RNASET2: variants seen among roughly 807,000 people sequenced by gnomAD.
RNASET2 encodes the protein ribonuclease 6.
RNASET2 carries 28 observed loss-of-function variants against 33.9 expected under a neutral mutation model. That is an observed-to-expected ratio of 0.83 (90% CI 0.61 to 1.13). RNASET2 has a LOEUF of 1.13. RNASET2 is among the 50% of genes most tolerant of loss of function. The pLI is 0.00. For synonymous variants in RNASET2, 123 were observed against 121.0 expected (o/e 1.02, Z -0.11); for missense variants, 330 against 319.9 (o/e 1.03, Z -0.24).
At chr6:166,939,658 T>C (rs1778650786) in intron 5 of RNASET2, among the ~76,000 whole-genome samples, 1 of 152,070 alleles carries the variant, frequency 6.6e-6, no homozygotes, top group Non-Finnish European at 1.5e-5. Flanking sequence ...TTTCGCAGAG[T>C]GGCACAAACT....
At chr6:166,948,292 G>T in intron 3 of RNASET2, 1 of 472,530 alleles carries the variant, frequency 2.1e-6, no homozygotes. Flanking sequence ...GTTGCAGTGA[G>T]CCAAGATCGT....
At chr6:166,930,949 C>T in intron 8 of RNASET2, 95 bp downstream of exon 8, 1 of 875,064 alleles carries the variant, frequency 1.1e-6, no homozygotes, top group Non-Finnish European at 2.0e-6. Flanking sequence ...AAATACAAGT[C>T]TGCCCCAGGG....
Position 166,956,314 on chromosome 6 carries a change from A to G in RNASET2, c.-132T>C. The G allele has an allele frequency of 1.1e-6, 1 of 885,734 alleles. No homozygotes were observed. Among genetic ancestry groups the G allele is most frequent in the South Asian group, 1.5e-5 (1 of 67,828 alleles). 54.9% of individuals were successfully genotyped at this position (885,734 alleles called of 1,614,324 possible). A position where few individuals can be genotyped will look rare whatever the true frequency, so the allele number is the denominator to read the frequency against. On this transcript the variant is annotated 5_prime_UTR_variant, in exon 1 of 9. Coordinates refer to ENST00000508775, the MANE Select transcript of RNASET2 (RefSeq NM_003730.6). ...GCCGCCGCGCTCCCTCCGCTGCAGC[A>G]GCGGCCACCGGGTGCGCCCGGAGCC...
At position 166,952,514 on chromosome 6, in the gene RNASET2, G is replaced by A; in HGVS notation, c.121C>T (p.Gln41Ter). 6.2e-7 allele frequency: 1 copy of A among 1,613,942 alleles called. No homozygotes were observed. Among genetic ancestry groups the A allele is most frequent in the Non-Finnish European group, 8.5e-7 (1 of 1,179,776 alleles). ...TCGCATACTGTCTCAGGCCAGTGCT[G>A]AACCATAATTAGTTTTTTCCACTCA... The part of the protein sequence containing the change: ...NHEWKKLIMV[Q>*]HWPETVCEKI... Residue 41 changes from glutamine (Q) to a stop codon, truncating the protein, a stop_gained, in exon 2 of 9, where the codon CAG becomes TAG. Coordinates refer to ENST00000508775, the MANE Select transcript of RNASET2 (RefSeq NM_003730.6). LOFTEE classifies it high-confidence loss of function.
chr6:166,939,681 C>A (rs1272014667), intron 5 of RNASET2, among the ~76,000 whole-genome samples: 1 of 152,226 alleles, frequency 6.6e-6, no homozygotes, highest in Non-Finnish European at 1.5e-5. Flanking sequence ...CATTTCTAAG[C>A]AACCAGCCAT....
At position 166,934,084 on chromosome 6, in the gene RNASET2, G is replaced by T; in HGVS notation, c.492+7C>A. 1 of 1,607,566 alleles carries T rather than the reference G, an allele frequency of 6.2e-7. No individual in the cohort carries two copies. The highest frequency in any genetic ancestry group is 8.5e-7 in the Non-Finnish European group (1 of 1,174,144). On this transcript the variant is annotated splice_region_variant and intron_variant, in intron 7 of 8. Transcript: ENST00000508775. Reference sequence around the variant, plus strand: ...CACACGAGAAAAGAAGCAAAAGCAAGACTTACTTGGTAGTAATTGATGGAT... The same window carrying T: ...CACACGAGAAAAGAAGCAAAAGCAATACTTACTTGGTAGTAATTGATGGAT...
chr6:166,955,324 C>A (rs1281437498), intron 1 of RNASET2, among the ~76,000 whole-genome samples: 1 of 71,124 alleles, frequency 1.4e-5, no homozygotes, highest in East Asian at 6.0e-4. Flanking sequence ...CACGCACACA[C>A]ACGCACGCAC....
In RNASET2 at chr6:166,923,713, C is replaced by T. The variant is rs1379625243; in HGVS notation, c.*5875G>A. On this transcript the variant is annotated 3_prime_UTR_variant, in exon 9 of 9. Coordinates refer to ENST00000508775, the MANE Select transcript of RNASET2 (RefSeq NM_003730.6). ...GCTTCAGATAAGAAAACCCTCACTA[C>T]TGCCCCTTCTATGGGAAACGTAGCT... Among the ~76,000 whole-genome samples the T allele has an allele frequency of 6.6e-6, 1 of 152,212 alleles. No individual in the cohort carries two copies. Among genetic ancestry groups the T allele is most frequent in the African/African-American group, 2.4e-5 (1 of 41,450 alleles).
intron 1 of RNASET2, chr6:166,955,733 C>A (rs1283208961): frequency 1.7e-6 from 2 of 1,163,094 alleles, no homozygotes; most frequent in Non-Finnish European, 2.1e-6. Context: ...TCAGGGCTCC[C>A]CAACCCACTT....
intron 7 of RNASET2, 69 bp from the exon 8 acceptor site, chr6:166,931,187 C>T (rs1484067958): frequency 1.2e-5 from 13 of 1,129,864 alleles, no homozygotes; most frequent in Non-Finnish European, 1.6e-5. Context: ...CTGGACTATC[C>T]TGAGCGCAAC....
chr6:166,938,942 C>T lies in RNASET2; in HGVS notation c.399G>A (p.Lys133=), dbSNP rs772562888. The T allele has an allele frequency of 1.2e-6, 2 of 1,613,776 alleles. No homozygotes were observed. The highest frequency in any genetic ancestry group is 3.3e-5 in the Admixed American group (2 of 60,030). ...AQVDALNSQK[K]YFGRSLELYR... is the part of the protein sequence containing the mutation. The stretch of plus-strand genomic sequence containing the variant: ...AGAGTTCCAGGCTTCTGCCAAAGTA[C>T]TTCTTCTGGGAGTTGAGCGCATCCA... The change falls in exon 6 of 9, where the codon AAG becomes AAA. Residue 133 remains lysine, a synonymous_variant. Coordinates refer to ENST00000508775, the MANE Select transcript of RNASET2 (RefSeq NM_003730.6).
intron 1 of RNASET2, among the ~76,000 whole-genome samples, chr6:166,954,826 T>G (rs1356804949): frequency 2.6e-5 from 4 of 152,140 alleles, no homozygotes; most frequent in African/African-American, 9.7e-5. Context: ...CCAGCCTGGC[T>G]ATTAAAAATA....
At chr6:166,952,130 G>A (rs1299619632) in intron 2 of RNASET2, among the ~76,000 whole-genome samples, 3 of 152,218 alleles carry the variant, frequency 2.0e-5, no homozygotes, top group Admixed American at 6.5e-5. Context: ...GCCCAGGAAC[G>A]CAGAGGACCA....
Position 166,927,138 on chromosome 6 carries a change from C to G in RNASET2, c.*2450G>C, listed in dbSNP as rs1441699272. Among the ~76,000 whole-genome samples the G allele has an allele frequency of 6.6e-6, 1 of 152,208 alleles. No homozygotes were observed. Among genetic ancestry groups the G allele is most frequent in the Non-Finnish European group, 1.5e-5 (1 of 68,040 alleles). The stretch of plus-strand genomic sequence containing the variant: ...TGAGTTGAATCTGGAAAATGCACGA[C>G]CTACTTGTTTAATGATGTAAAAACA... On this transcript the variant is annotated 3_prime_UTR_variant, in exon 9 of 9. Transcript: ENST00000508775.
intron 2 of RNASET2, among the ~76,000 whole-genome samples, chr6:166,950,158 G>A (rs1778947828): frequency 1.3e-5 from 2 of 152,212 alleles, no homozygotes; most frequent in South Asian, 4.1e-4. Flanking sequence ...GGCCCTGGAG[G>A]CAGATCCTTC....
rs566712768 is a variant in RNASET2, at chr6:166,933,832, C to T, written c.492+259G>A. On this transcript the variant is annotated intron_variant, in intron 7 of 8. Transcript: ENST00000508775. The surrounding 1 kb of genome is among the most constrained non-coding windows in gnomAD (Gnocchi z 4.1). The stretch of plus-strand genomic sequence containing the variant: ...AAACTGCAGATTCCACCTGCTCTGC[C>T]GGACCCTGGAGCACACACTTCTCAC... 1.2e-4 allele frequency: 69 copies of T among 554,544 alleles called. No homozygotes were observed. The highest frequency in any genetic ancestry group is 8.1e-4 in the African/African-American group (43 of 53,074). 34.4% of individuals were successfully genotyped at this position (554,544 alleles called of 1,614,324 possible).
chr6:166,931,179 G>C (rs1583214125), intron 7 of RNASET2, 61 bp from the exon 8 acceptor site: 1 of 1,209,134 alleles, frequency 8.3e-7, no homozygotes, highest in East Asian at 2.3e-5. Flanking sequence ...TGACAGTTCT[G>C]GACTATCCTG....
At chr6:166,934,466 AG>A (rs1327180170) in intron 6 of RNASET2, 9 of 312,192 alleles carry the variant, frequency 2.9e-5, no homozygotes, top group African/African-American at 1.9e-4. Flanking sequence ...TTTAAAAGAC[AG>A]CAATTGAAAT....
At chr6:166,951,931 C>A (rs768847864) in intron 2 of RNASET2, among the ~76,000 whole-genome samples, 1 of 152,136 alleles carries the variant, frequency 6.6e-6, no homozygotes, top group African/African-American at 2.4e-5. Flanking sequence ...CCTGTCCTAA[C>A]CCCTCCTCCC....
Sources: allele counts gnomAD v4.1 joint callset (sites outside exome capture counted in the v4.1 genomes callset), GRCh38; gene constraint gnomAD v4.1.1; non-coding constraint Gnocchi (gnomAD v3.1); transcripts MANE v1.5; gene names NCBI Gene and HGNC (gene_info 2026-07-23, HGNC 2026-07-21).